Variants in PRDM16 observed in about 807,000 individuals in gnomAD.
The protein encoded by PRDM16 is histone-lysine N-methyltransferase PRDM16.
In PRDM16, 23 loss-of-function variants were observed where a neutral mutation model predicts 110.6. The ratio of observed to expected loss-of-function variants is 0.21; its 90% CI spans 0.15 to 0.29. PRDM16 has a LOEUF of 0.29. PRDM16 is among the 10% of genes least tolerant of loss of function. The pLI, the probability that PRDM16 is intolerant of heterozygous loss-of-function variation, is 1.00. For synonymous variants in PRDM16, 799 were observed against 781.8 expected, an observed-to-expected ratio of 1.02 and a Z score of -0.37; for missense variants, 1,615 against 1,794.3, an observed-to-expected ratio of 0.90 and a Z score of 1.81.
At chr1:3,252,934 G>A (rs185274956) in intron 3 of PRDM16, among the ~76,000 whole-genome samples, 145 of 152,264 alleles carry the variant, frequency 9.5e-4, no homozygotes, top group African/African-American at 3.3e-3. Context: ...AGGGGTGTGT[G>A]CTCGTGGAGA....
At chr1:3,122,672 TC>T (rs35672346) in intron 1 of PRDM16, among the ~76,000 whole-genome samples, 2 of 151,166 alleles carry the variant, frequency 1.3e-5, no homozygotes, top group Non-Finnish European at 2.9e-5. Flanking sequence ...TTCCAGACAT[TC>T]CCCCCCTCCG....
At chr1:3,231,832 G>C (rs1033086011) in intron 2 of PRDM16, among the ~76,000 whole-genome samples, 2 of 152,210 alleles carry the variant, frequency 1.3e-5, no homozygotes, top group African/African-American at 4.8e-5. Context: ...AGGCCTTCCT[G>C]GTTCAGCTTC....
At chr1:3,431,175 C>G (rs1039593268) in intron 15 of PRDM16, 67 bp downstream of exon 15, 1 of 1,517,672 alleles carries the variant, frequency 6.6e-7, no homozygotes. Flanking sequence ...CGAGGGGGAC[C>G]TCCCTCTTCA....
chr1:3,219,284 G>A (rs1442572355), intron 2 of PRDM16, among the ~76,000 whole-genome samples: 1 of 152,208 alleles, frequency 6.6e-6, no homozygotes, highest in African/African-American at 2.4e-5. Flanking sequence ...GAGTGTCAGC[G>A]CAGTGAAAGA....
At chr1:3,171,974 G>C (rs963609292) in intron 1 of PRDM16, among the ~76,000 whole-genome samples, 7 of 152,178 alleles carry the variant, frequency 4.6e-5, no homozygotes, top group Non-Finnish European at 8.8e-5. Flanking sequence ...CCAGTAGAAC[G>C]GGGTCCCCGG....
At position 3,296,143 on chromosome 1, in the gene PRDM16, C is replaced by T. The variant is rs184875031; in HGVS notation, c.438+52006C>T. On this transcript the variant is annotated intron_variant, in intron 3 of 16. Transcript: ENST00000270722. ...CCGAGGGTCTCACTTCCTTACGTTCCGGAACCGTACGGGTCATGGTGGAGC... is the reference window on the plus strand; with the variant it reads ...CCGAGGGTCTCACTTCCTTACGTTCTGGAACCGTACGGGTCATGGTGGAGC... Among the ~76,000 whole-genome samples, 1,134 of 152,278 alleles carry T rather than the reference C, an allele frequency of 7.4e-3. 15 individuals carry two copies. The highest frequency in any genetic ancestry group is 0.026 in the African/African-American group (1,071 of 41,542).
intron 1 of PRDM16, among the ~76,000 whole-genome samples, chr1:3,103,633 G>A (rs1333208925): frequency 1.3e-5 from 2 of 152,190 alleles, no homozygotes; most frequent in Admixed American, 6.5e-5. Context: ...ATTGGGCATC[G>A]CCTTAAGCAG....
At chr1:3,232,114 T>C (rs1483752466) in intron 2 of PRDM16, among the ~76,000 whole-genome samples, 1 of 152,256 alleles carries the variant, frequency 6.6e-6, no homozygotes, top group Non-Finnish European at 1.5e-5. Flanking sequence ...GGCCTCTGTG[T>C]GTTGTCCCTG....
intron 5 of PRDM16, among the ~76,000 whole-genome samples, chr1:3,402,285 C>T (rs1486033080): frequency 6.6e-6 from 1 of 152,170 alleles, no homozygotes; most frequent in African/African-American, 2.4e-5. Context: ...ACCGGGATGA[C>T]AGCTCCAGGC....
intron 16 of PRDM16, among the ~76,000 whole-genome samples, chr1:3,432,364 C>T (rs1212326642): frequency 3.3e-5 from 5 of 152,238 alleles, no homozygotes; most frequent in Non-Finnish European, 7.3e-5. Flanking sequence ...AGGACCCTCA[C>T]GAGGGAGCTC....
chr1:3,322,933 G>A (rs887892137), intron 3 of PRDM16, among the ~76,000 whole-genome samples: 4 of 152,098 alleles, frequency 2.6e-5, no homozygotes, highest in Admixed American at 6.5e-5. Context: ...CCTGTGATCC[G>A]GCCTCTTCTA....
Position 3,181,462 on chromosome 1 carries a change from GGTCTTACACACGCA to G in PRDM16, c.38-4651_38-4638del, listed in dbSNP as rs1467653312. 1.1e-4 allele frequency among the ~76,000 whole-genome samples: 2 copies of G among 17,926 alleles called. 1 individual carries two copies. The highest frequency in any genetic ancestry group is 2.0e-4 in the African/African-American group (2 of 9,800). 11.8% of individuals were successfully genotyped at this position (17,926 alleles called of 152,430 possible). A position where few individuals can be genotyped will look rare whatever the true frequency, so the allele number is the denominator to read the frequency against. On this transcript the variant is annotated intron_variant, in intron 1 of 16. Coordinates refer to ENST00000270722, the MANE Select transcript of PRDM16 (RefSeq NM_022114.4). ...AGCAGTCTTACACGGTCTTACACAC[GGTCTTACACACGCA>G]GTCTTACACACAGCCTTACGCATGG...
At chr1:3,279,873 C>G (rs954161267) in intron 3 of PRDM16, among the ~76,000 whole-genome samples, 1 of 11,840 alleles carries the variant, frequency 8.4e-5, no homozygotes, top group Non-Finnish European at 1.8e-4. Flanking sequence ...GCCCCTCCTC[C>G]CACCCCCCCC....
intron 10 of PRDM16, among the ~76,000 whole-genome samples, chr1:3,417,547 G>A (rs777965870): frequency 2.0e-5 from 3 of 152,240 alleles, no homozygotes; most frequent in Admixed American, 2.0e-4. Context: ...CGCCCAAACC[G>A]GGCAGTGAGG....
At chr1:3,137,748 A>G (rs1043538231) in intron 1 of PRDM16, among the ~76,000 whole-genome samples, 4 of 152,268 alleles carry the variant, frequency 2.6e-5, no homozygotes, top group Non-Finnish European at 5.9e-5. Flanking sequence ...TGCTCTTCGC[A>G]GAGTGCCTTT....
chr1:3,415,644 C>T (rs186693094), intron 10 of PRDM16, among the ~76,000 whole-genome samples: 1 of 152,368 alleles, frequency 6.6e-6, no homozygotes, highest in East Asian at 1.9e-4. Flanking sequence ...AATATCTGAT[C>T]GGGCGGAGCA....
Position 3,190,397 on chromosome 1 carries a change from C to T in PRDM16, c.387+3923C>T, listed in dbSNP as rs1231165866. Among the ~76,000 whole-genome samples the T allele has an allele frequency of 6.6e-6, 1 of 152,192 alleles. No individual in the cohort carries two copies. The highest frequency in any genetic ancestry group is 1.9e-4 in the East Asian group (1 of 5,198). On this transcript the variant is annotated intron_variant, in intron 2 of 16. Coordinates refer to ENST00000270722, the MANE Select transcript of PRDM16 (RefSeq NM_022114.4). This position sits in a 1 kb window ranked among gnomAD's most constrained non-coding sequence, Gnocchi z 5.0. ...AGTTGCTGGTCGGAAGCCTGCATTCCTTCTACGCTGAGGCTGACGCTTTTG... is the reference window on the plus strand; with the variant it reads ...AGTTGCTGGTCGGAAGCCTGCATTCTTTCTACGCTGAGGCTGACGCTTTTG...
At chr1:3,328,429 C>T (rs545778152) in intron 3 of PRDM16, among the ~76,000 whole-genome samples, 4 of 152,264 alleles carry the variant, frequency 2.6e-5, no homozygotes, top group African/African-American at 9.6e-5. Flanking sequence ...TGTCAGCCTT[C>T]CTGGGGGAGG....
intron 1 of PRDM16, among the ~76,000 whole-genome samples, chr1:3,097,007 G>A (rs1006631618): frequency 1.3e-5 from 2 of 152,150 alleles, no homozygotes; most frequent in Non-Finnish European, 2.9e-5. Context: ...CCCTCTGGGA[G>A]CCACCTGCTG....
Sources: allele counts gnomAD v4.1 joint callset (sites outside exome capture counted in the v4.1 genomes callset), GRCh38; gene constraint gnomAD v4.1.1; non-coding constraint Gnocchi (gnomAD v3.1); transcripts MANE v1.5; gene names NCBI Gene and HGNC (gene_info 2026-07-23, HGNC 2026-07-21).